ST18: variants seen among roughly 807,000 people sequenced by gnomAD.
The protein encoded by ST18 is suppression of tumorigenicity 18 protein.
Under a neutral mutation model 110.0 loss-of-function variants are expected in ST18, and 50 were observed. The observed-to-expected ratio is 0.45, with a 90% CI of 0.36 to 0.58. ST18 has a LOEUF of 0.58. ST18 is among the 20% of genes least tolerant of loss of function. ST18 has a pLI of 0.00. For missense variants in ST18, 1,306 were observed against 1,280.1 expected (o/e 1.02, Z -0.31); for synonymous variants, 461 against 452.4 (o/e 1.02, Z -0.24).
intron 2 of ST18, among the ~76,000 whole-genome samples, chr8:52,352,019 A>G (rs766264493): frequency 6.6e-6 from 1 of 152,186 alleles, no homozygotes; most frequent in Non-Finnish European, 1.5e-5. Context: ...AACAATGTAC[A>G]TGTGGCATCG....
At chr8:52,170,452 C>CAATCAATCAATA (rs753846407) in intron 10 of ST18, among the ~76,000 whole-genome samples, 3 of 128,062 alleles carry the variant, frequency 2.3e-5, no homozygotes, top group Non-Finnish European at 4.7e-5. Context: ...ACTCAAAAAT[C>CAATCAATCAATA]AATAAATAAA....
At chr8:52,168,113 G>A (rs1028637430) in intron 10 of ST18, among the ~76,000 whole-genome samples, 1 of 151,100 alleles carries the variant, frequency 6.6e-6, no homozygotes, top group Non-Finnish European at 1.5e-5. Flanking sequence ...CCAACCATGG[G>A]GAGAGCCTGT....
chr8:52,337,822 G>A lies in ST18; in HGVS notation c.-465+71506C>T, dbSNP rs572613624. Among the ~76,000 whole-genome samples, 3 of 152,244 alleles carry A rather than the reference G, an allele frequency of 2.0e-5. No homozygotes were observed. The East Asian group carries it at 5.8e-4, about 29-fold the overall frequency. On this transcript the variant is annotated intron_variant, in intron 2 of 25. Transcript: ENST00000689386. Reference sequence around the variant, plus strand: ...GGGTGTACAAAACCTTTCTTCACTCGCCAGTGGTCATGAAGAATGGCTGTG... The same window carrying A: ...GGGTGTACAAAACCTTTCTTCACTCACCAGTGGTCATGAAGAATGGCTGTG...
rs763490637 is a variant in ST18 at position 52,126,152 on chromosome 8, G to A, written c.2667-12C>T. ...GACATCCAGATAAGCTGTGAAAATA[G>A]AAATTGTACTAATGTATGAAATGTA... On this transcript the variant is annotated splice_polypyrimidine_tract_variant and intron_variant, in intron 22 of 25. Transcript: ENST00000689386. The A allele has an allele frequency of 1.2e-6, 2 of 1,607,956 alleles. No individual in the cohort carries two copies. The highest frequency in any genetic ancestry group is 1.3e-5 in the African/African-American group (1 of 74,782).
chr8:52,380,373 G>C (rs1262530007), intron 2 of ST18, among the ~76,000 whole-genome samples: 2 of 152,050 alleles, frequency 1.3e-5, no homozygotes, highest in South Asian at 4.1e-4. Flanking sequence ...TTAATCGATT[G>C]TTTATGTCAT....
intron 24 of ST18, among the ~76,000 whole-genome samples, chr8:52,116,856 AC>A (rs2042741462): frequency 6.6e-6 from 1 of 151,066 alleles, no homozygotes; most frequent in Non-Finnish European, 1.5e-5. Context: ...TGTCCCCTCC[AC>A]TCTGCTGCCC....
chr8:52,234,331 C>T (rs969258025), intron 2 of ST18, among the ~76,000 whole-genome samples: 1 of 152,114 alleles, frequency 6.6e-6, no homozygotes, highest in African/African-American at 2.4e-5. Context: ...GTGGCTCAAT[C>T]TCGGCTCACT....
rs562708190 is a variant in ST18 at position 52,395,005 on chromosome 8, T to C, written c.-465+14323A>G. 3.3e-5 allele frequency among the ~76,000 whole-genome samples: 5 copies of C among 152,266 alleles called. No individual in the cohort carries two copies. The South Asian group carries it at 1.0e-3, about 32-fold the overall frequency. ...CAAGAAGGGAACATTTCCAGAACCA[T>C]ATGGCAAGGAGGCCGGAAAGTCTAT... On this transcript the variant is annotated intron_variant, in intron 2 of 25. Coordinates refer to ENST00000689386, the MANE Select transcript of ST18 (RefSeq NM_001352837.2).
At chr8:52,375,811 C>G (rs1174373156) in intron 2 of ST18, among the ~76,000 whole-genome samples, 1 of 151,986 alleles carries the variant, frequency 6.6e-6, no homozygotes, top group Non-Finnish European at 1.5e-5. Flanking sequence ...CACACCCGGA[C>G]TGAGCCGCAG....
chr8:52,264,539 G>T (rs968556525), intron 2 of ST18, among the ~76,000 whole-genome samples: 2 of 152,162 alleles, frequency 1.3e-5, no homozygotes, highest in African/African-American at 4.8e-5. Flanking sequence ...AAGGGATAAA[G>T]TTCCTGGTTT....
intron 10 of ST18, among the ~76,000 whole-genome samples, chr8:52,168,581 G>T (rs909241369): frequency 1.3e-5 from 2 of 152,070 alleles, no homozygotes; most frequent in Non-Finnish European, 2.9e-5. Context: ...GTCGTTCTGC[G>T]CTGAGGGTCA....
chr8:52,373,767 C>A (rs1831125435), intron 2 of ST18, among the ~76,000 whole-genome samples: 1 of 152,118 alleles, frequency 6.6e-6, no homozygotes, highest in Non-Finnish European at 1.5e-5. Context: ...TGTTGCCTCT[C>A]CCTCGCTATG....
chr8:52,368,657 C>T (rs12115067), intron 2 of ST18, among the ~76,000 whole-genome samples: 1,929 of 152,142 alleles, frequency 0.013, 41 homozygotes, highest in African/African-American at 0.043. Context: ...CCGCATGTGG[C>T]GGCCACATCA....
intron 2 of ST18, among the ~76,000 whole-genome samples, chr8:52,391,319 G>A (rs1292588923): frequency 1.3e-5 from 2 of 152,202 alleles, no homozygotes; most frequent in East Asian, 3.9e-4. Context: ...GAAGGGCTGT[G>A]AACCCAGCCA....
At chr8:52,229,051 A>T (rs1190030109) in intron 3 of ST18, among the ~76,000 whole-genome samples, 2 of 152,234 alleles carry the variant, frequency 1.3e-5, no homozygotes, top group African/African-American at 4.8e-5. Flanking sequence ...AATAACTATC[A>T]TTTGGATCAA....
chr8:52,250,445 C>CAAAAAAAAA (rs1159770176), intron 2 of ST18, among the ~76,000 whole-genome samples: 58 of 4,276 alleles, frequency 0.014, 3 homozygotes, highest in Non-Finnish European at 0.018. Context: ...GCCTCAAAGG[C>CAAAAAAAAA]AAAAAAAAAA....
At chr8:52,359,165 G>C (rs558668341) in intron 2 of ST18, among the ~76,000 whole-genome samples, 1 of 151,854 alleles carries the variant, frequency 6.6e-6, no homozygotes, top group Admixed American at 6.6e-5. Flanking sequence ...AAAAGCATTT[G>C]AGAAAAATTC....
intron 2 of ST18, among the ~76,000 whole-genome samples, chr8:52,258,311 A>G (rs2094585139): frequency 6.6e-6 from 1 of 152,218 alleles, no homozygotes; most frequent in South Asian, 2.1e-4. Flanking sequence ...AGTTTCTGAA[A>G]AAAAGCCATC....
At chr8:52,263,801 C>A (rs2094779648) in intron 2 of ST18, among the ~76,000 whole-genome samples, 1 of 140,164 alleles carries the variant, frequency 7.1e-6, no homozygotes, top group African/African-American at 2.8e-5. Flanking sequence ...GGCTGGCATG[C>A]AGTGGCACGA....
Sources: allele counts gnomAD v4.1 joint callset (sites outside exome capture counted in the v4.1 genomes callset), GRCh38; gene constraint gnomAD v4.1.1; transcripts MANE v1.5; gene names NCBI Gene and HGNC (gene_info 2026-07-23, HGNC 2026-07-21).